Variants in DNAH10 observed in about 807,000 individuals in gnomAD.
DNAH10 encodes axonemal beta dynein heavy chain 10.
In DNAH10, 348 loss-of-function variants were observed where a neutral mutation model predicts 506.6. That is an observed-to-expected ratio of 0.69 (90% CI 0.63 to 0.75). The LOEUF (loss-of-function observed/expected upper bound fraction) is 0.75, where lower values mean the gene tolerates loss of function less well. Among genes scored for constraint, DNAH10 ranks in the 30% least tolerant of loss-of-function variants. The pLI is 0.00. For synonymous variants in DNAH10, 2,059 were observed against 2,198.6 expected (o/e 0.94, Z 1.78); for missense variants, 5,179 against 5,787.1 (o/e 0.89, Z 3.41).
intron 65 of DNAH10, 51 bp from the exon 66 acceptor site, chr12:123,923,712 T>C (rs1954823812): frequency 7.2e-7 from 1 of 1,397,012 alleles, no homozygotes; most frequent in Admixed American, 2.3e-5. Flanking sequence ...AAACTCAGTT[T>C]TTTAAAAATG....
At position 123,805,005 on chromosome 12, in the gene DNAH10, G is replaced by A. The variant is rs267603360; in HGVS notation, c.2952G>A (p.Lys984=). The change falls in exon 18 of 79, where the codon AAG becomes AAA. Residue 984 remains lysine (K), a synonymous_variant. Coordinates refer to ENST00000673944, the MANE Select transcript of DNAH10 (RefSeq NM_001372106.1). ...CCTCCTACTACAAATACTGGGAAAA[G>A]AAAATTTATGAGGTCCTGACAAAGC... ...KLASYYKYWE[K]KIYEVLTKLI... 5 of 1,614,200 alleles carry A rather than the reference G, an allele frequency of 3.1e-6. No individual in the cohort carries two copies. The Admixed American group carries it at 5.0e-5, about 16-fold the overall frequency.
intron 73 of DNAH10, 94 bp downstream of exon 73, chr12:123,930,667 G>A (rs1202592745): frequency 6.9e-6 from 10 of 1,439,030 alleles, no homozygotes; most frequent in South Asian, 3.9e-5. Context: ...GGGGCTCCTC[G>A]GCTGGTCAGG....
chr12:123,873,816 T>C, intron 46 of DNAH10, 106 bp downstream of exon 46: 1 of 1,400,422 alleles, frequency 7.1e-7, no homozygotes, highest in Non-Finnish European at 9.4e-7. Flanking sequence ...GATCTTTACC[T>C]CTGTGCAATG....
rs1953613883 is a variant in DNAH10, at chr12:123,903,253, C to T, written c.9815+140C>T. 3.4e-6 allele frequency: 4 copies of T among 1,186,340 alleles called. No homozygotes were observed. Among genetic ancestry groups the T allele is most frequent in the African/African-American group, 3.1e-5 (2 of 64,112 alleles). The allele number at this position is 1,186,340 out of a possible 1,614,324, so 73.5% of individuals were successfully genotyped here. A position where few individuals can be genotyped will look rare whatever the true frequency, so the allele number is the denominator to read the frequency against. On this transcript the variant is annotated intron_variant, in intron 57 of 78. Coordinates refer to ENST00000673944, the MANE Select transcript of DNAH10 (RefSeq NM_001372106.1). The surrounding 1 kb of genome is among the most constrained non-coding windows in gnomAD (Gnocchi z 4.6). ...TGCCTGGCTCTCTCCATGGTGGAGA[C>T]TGTTGTTGCCCTCATTTTCGGATGG...
chr12:123,773,666 G>A (rs2135985928), intron 4 of DNAH10, among the ~76,000 whole-genome samples: 1 of 152,330 alleles, frequency 6.6e-6, no homozygotes, highest in South Asian at 2.1e-4. Context: ...GAGAGAGAGA[G>A]AGCAAGCTCT....
intron 11 of DNAH10, 108 bp from the exon 12 acceptor site, chr12:123,793,834 A>G: frequency 1.1e-6 from 1 of 911,926 alleles, no homozygotes; most frequent in Non-Finnish European, 1.4e-6. Flanking sequence ...TACTTATGCC[A>G]TAGAAATCTG....
In DNAH10 at chr12:123,931,345, C is replaced by G. The variant is rs759384296; in HGVS notation, c.12789C>G (p.Ala4263=). 1 of 1,613,560 alleles carries G rather than the reference C, an allele frequency of 6.2e-7. No individual in the cohort carries two copies. The highest frequency in any genetic ancestry group is 1.7e-5 in the Admixed American group (1 of 60,024). ...VGDEKEKFVE[A]IEALPLANTP... ...CGTTGTTCTCTGTGATTGCAGAAGC[C>G]ATCGAGGCCCTCCCGCTTGCCAACA... is the stretch of plus-strand genomic sequence containing the variant. Residue 4263 remains alanine (A), a synonymous_variant, in exon 74 of 79, where the codon GCC becomes GCG. Transcript: ENST00000673944.
At chr12:123,774,393 C>G (rs114700208) in intron 5 of DNAH10, 129 bp downstream of exon 5, 20,943 of 644,196 alleles carry the variant, frequency 0.033, 616 homozygotes, top group African/African-American at 0.12. Context: ...GGTGCTGAGA[C>G]CAGCTCGGTT....
chr12:123,853,065 A>C lies in DNAH10; in HGVS notation c.6292-141A>C. 2.4e-6 allele frequency: 2 copies of C among 848,096 alleles called. No homozygotes were observed. The highest frequency in any genetic ancestry group is 3.4e-6 in the Non-Finnish European group (2 of 590,766). The allele number at this position is 848,096 out of a possible 1,614,324, so 52.5% of individuals were successfully genotyped here. A position where few individuals can be genotyped will look rare whatever the true frequency, so the allele number is the denominator to read the frequency against. On this transcript the variant is annotated intron_variant, in intron 35 of 78. Coordinates refer to ENST00000673944, the MANE Select transcript of DNAH10 (RefSeq NM_001372106.1). This position sits in a 1 kb window ranked among gnomAD's most constrained non-coding sequence, Gnocchi z 4.7. Reference sequence around the variant, plus strand: ...ACCCACCCTGGTATTTCTGGAAGTTAGAGATGGAATTTGCTTATTTGTAGA... The same window carrying C: ...ACCCACCCTGGTATTTCTGGAAGTTCGAGATGGAATTTGCTTATTTGTAGA...
In DNAH10 at chr12:123,897,956, A is replaced by T; in HGVS notation, c.9467A>T (p.Gln3156Leu). 1 of 1,589,720 alleles carries T rather than the reference A, an allele frequency of 6.3e-7. No homozygotes were observed. Among genetic ancestry groups the T allele is most frequent in the Non-Finnish European group, 8.5e-7 (1 of 1,171,186 alleles). ...TCAAAATTGCTGGATGAGAAAACTCAGTGTAATATAGGTAAGCCTTGGGGA... is the reference window on the plus strand; with the variant it reads ...TCAAAATTGCTGGATGAGAAAACTCTGTGTAATATAGGTAAGCCTTGGGGA... ...TYSKLLDEKT[Q>L]CNIAQCKRLD... The change falls in exon 55 of 79, where the codon CAG (glutamine) becomes CTG (leucine). Residue 3156 changes from glutamine (Q) to leucine (L), a missense_variant. Physicochemically the swap from Gln to Leu is moderately radical, Grantham distance 113. Transcript: ENST00000673944.
At position 123,893,452 on chromosome 12, in the gene DNAH10, C is replaced by T; in HGVS notation, c.9199+16C>T. The T allele has an allele frequency of 6.2e-7, 1 of 1,611,756 alleles. No homozygotes were observed. The highest frequency in any genetic ancestry group is 2.2e-4 in the Middle Eastern group (1 of 4,520). The stretch of plus-strand genomic sequence containing the variant: ...AACTTCCCAGGTACCCGCGGTGGAG[C>T]CTGTGAACCCATTTCCCCTGCTTTG... On this transcript the variant is annotated intron_variant, in intron 53 of 78. Transcript: ENST00000673944.
At chr12:123,874,472 TG>T (rs1225296737) in intron 46 of DNAH10, among the ~76,000 whole-genome samples, 2 of 152,118 alleles carry the variant, frequency 1.3e-5, no homozygotes, top group Non-Finnish European at 2.9e-5. Context: ...TTCTTCTTTT[TG>T]CCCATCTGTC....
At chr12:123,811,220 T>C (rs1474165770) in intron 19 of DNAH10, among the ~76,000 whole-genome samples, 1 of 152,234 alleles carries the variant, frequency 6.6e-6, no homozygotes, top group Non-Finnish European at 1.5e-5. Flanking sequence ...CACCTTCTAG[T>C]GCGTGCTGTT....
rs777373844 is a variant in DNAH10 at position 123,913,358 on chromosome 12, G to A, written c.10352+43G>A. The A allele has an allele frequency of 6.6e-7, 1 of 1,513,940 alleles. No individual in the cohort carries two copies. Among genetic ancestry groups the A allele is most frequent in the South Asian group, 1.2e-5 (1 of 80,608 alleles). The allele number at this position is 1,513,940 out of a possible 1,614,324, so 93.8% of individuals were successfully genotyped here. A position where few individuals can be genotyped will look rare whatever the true frequency, so the allele number is the denominator to read the frequency against. On this transcript the variant is annotated intron_variant, in intron 60 of 78. Transcript: ENST00000673944. This position sits in a 1 kb window ranked among gnomAD's most constrained non-coding sequence, Gnocchi z 5.1. ...GCCCACCTGTTGCGGTTTGTAAACG[G>A]ACGTCACCCACAGAGTTTCTCGCCA...
At position 123,800,337 on chromosome 12, in the gene DNAH10, C is replaced by T; in HGVS notation, c.2411C>T (p.Thr804Ile). 3 of 1,614,158 alleles carry T rather than the reference C, an allele frequency of 1.9e-6. No individual in the cohort carries two copies. Among genetic ancestry groups the T allele is most frequent in the South Asian group, 1.1e-5 (1 of 91,082 alleles). Reference sequence around the variant, plus strand: ...AAGTACTTAGAGCAGCTGGGGTTCACTGTCCCTGAATTAGCAAGAAATGTT... The same window carrying T: ...AAGTACTTAGAGCAGCTGGGGTTCATTGTCCCTGAATTAGCAAGAAATGTT... ...ETKYLEQLGFTVPELARNVAL... is the reference protein window; with the variant it reads ...ETKYLEQLGFIVPELARNVAL... The change falls in exon 15 of 79, where the codon ACT becomes ATT. Residue 804 changes from threonine (T) to isoleucine (I), a missense_variant. This residue lies in a region of DNAH10 where 4,844 missense variants were observed against 5,430.5 expected (regional missense o/e 0.89). Coordinates refer to ENST00000673944, the MANE Select transcript of DNAH10 (RefSeq NM_001372106.1).
rs1252529945 is a variant in DNAH10 at position 123,913,795 on chromosome 12, T to C, written c.10352+480T>C. The stretch of plus-strand genomic sequence containing the variant: ...GCTTGGCCACAGCTTATTCACCAAA[T>C]AGGGCAACAATTTTGAATCTAGCAT... On this transcript the variant is annotated intron_variant, in intron 60 of 78. Transcript: ENST00000673944. This position sits in a 1 kb window ranked among gnomAD's most constrained non-coding sequence, Gnocchi z 5.1. 6.6e-6 allele frequency among the ~76,000 whole-genome samples: 1 copy of C among 152,218 alleles called. No homozygotes were observed. The highest frequency in any genetic ancestry group is 6.5e-5 in the Admixed American group (1 of 15,280).
At chr12:123,901,238 G>A (rs1953504821) in intron 56 of DNAH10, among the ~76,000 whole-genome samples, 1 of 152,130 alleles carries the variant, frequency 6.6e-6, no homozygotes, top group Admixed American at 6.5e-5. Context: ...AGCCAGCTCT[G>A]GTGGTGTCCT....
At chr12:123,782,996 C>T in intron 6 of DNAH10, 111 bp from the exon 7 acceptor site, 1 of 912,118 alleles carries the variant, frequency 1.1e-6, no homozygotes, top group Non-Finnish European at 1.7e-6. Flanking sequence ...TGCGTCAGAC[C>T]TTATTATACT....
rs1354650785 is a variant in DNAH10, at chr12:123,767,671, T to C, written c.280T>C (p.Ser94Pro). The C allele has an allele frequency of 1.2e-6, 2 of 1,611,494 alleles. No individual in the cohort carries two copies. The highest frequency in any genetic ancestry group is 1.7e-6 in the Non-Finnish European group (2 of 1,178,990). ...AGAGACTTATTCTCAAAAAGTGGAG[T>C]CCGTGGATAAAGTGCGAGGTGTGGA... ...EEETYSQKVE[S>P]VDKVRAKRVS... The change falls in exon 2 of 79, where the codon TCC becomes CCC. Residue 94 changes from serine (S) to proline (P), a missense_variant. By Grantham distance (74) the Ser-to-Pro change is moderately conservative (BLOSUM62 -1). Transcript: ENST00000673944.
Sources: gnomAD v4.1 joint callset for allele counts (sites outside exome capture counted in the v4.1 genomes callset) on GRCh38, gnomAD v4.1.1 for gene constraint, gnomAD v4.1.1 regional missense constraint, Gnocchi (gnomAD v3.1) non-coding constraint, MANE v1.5 for transcripts, NCBI Gene and HGNC (gene_info 2026-07-23, HGNC 2026-07-21) for gene names.